Variants in PAM observed in about 807,000 individuals in gnomAD.
PAM encodes the protein peptidyl-glycine alpha-amidating monooxygenase.
A neutral mutation model predicts 122.1 loss-of-function variants in PAM; 72 were observed. The ratio of observed to expected loss-of-function variants is 0.59; its 90% CI spans 0.49 to 0.72. PAM has a LOEUF of 0.72. PAM is among the 30% of genes least tolerant of loss of function. The pLI is 0.00. For missense variants in PAM, 1,106 were observed against 1,183.7 expected (o/e 0.93, Z 0.96); for synonymous variants, 389 against 404.4 (o/e 0.96, Z 0.46).
At chr5:102,952,568 A>G (rs1018661210) in intron 12 of PAM, among the ~76,000 whole-genome samples, 5 of 152,032 alleles carry the variant, frequency 3.3e-5, no homozygotes, top group African/African-American at 1.2e-4. Context: ...TACAGAGGCA[A>G]TTTTTTTACC....
chr5:102,954,173 G>C (rs1182016928), intron 12 of PAM, among the ~76,000 whole-genome samples: 3 of 151,920 alleles, frequency 2.0e-5, no homozygotes, highest in African/African-American at 7.2e-5. Context: ...TATTTCAATA[G>C]TTTTTGGGGA....
rs1252787041 is a variant in PAM, at chr5:102,758,094, T to G, written c.-374+2746T>G. On this transcript the variant is annotated intron_variant, in intron 1 of 25. Coordinates refer to ENST00000438793, the MANE Select transcript of PAM (RefSeq NM_001177306.2). ...TTTTGTTTTTTTTTTTTTTTTTTTTTTTTTTTTTTTTTTTCTTGGGGCAAA... is the reference window on the plus strand; with the variant it reads ...TTTTGTTTTTTTTTTTTTTTTTTTTGTTTTTTTTTTTTTTCTTGGGGCAAA... 2.1e-3 allele frequency among the ~76,000 whole-genome samples: 200 copies of G among 95,238 alleles called. 6 individuals carry two copies. The highest frequency in any genetic ancestry group is 7.5e-3 in the African/African-American group (188 of 25,106). The allele number at this position is 95,238 out of a possible 152,430, so 62.5% of individuals were successfully genotyped here.
Position 102,889,908 on chromosome 5 carries a change from T to TAATGG in PAM, c.211-11447_211-11443dup, listed in dbSNP as rs575512014. ...CAAGGCTTAACACTTCACCATTTCC[T>TAATGG]AATGGCAGACTTTGTCTCATCCATT... is the stretch of plus-strand genomic sequence containing the variant. On this transcript the variant is annotated intron_variant, in intron 3 of 25. Coordinates refer to ENST00000438793, the MANE Select transcript of PAM (RefSeq NM_001177306.2). Among the ~76,000 whole-genome samples the TAATGG allele has an allele frequency of 1.9e-3, 285 of 152,090 alleles. 1 individual carries two copies. The highest frequency in any genetic ancestry group is 6.7e-3 in the African/African-American group (278 of 41,536).
chr5:102,828,702 A>C (rs1774406296), intron 1 of PAM, among the ~76,000 whole-genome samples: 1 of 152,204 alleles, frequency 6.6e-6, no homozygotes, highest in Non-Finnish European at 1.5e-5. Flanking sequence ...GGTTCATGGC[A>C]GATAGAAATG....
intron 1 of PAM, among the ~76,000 whole-genome samples, chr5:102,831,500 C>A (rs781090800): frequency 6.6e-6 from 1 of 150,390 alleles, no homozygotes; most frequent in Non-Finnish European, 1.5e-5. Context: ...TAGATTAAAT[C>A]TTTGAGGAAT....
intron 22 of PAM, 29 bp from the exon 23 acceptor site, chr5:103,019,760 CT>C: frequency 1.3e-6 from 2 of 1,501,252 alleles, no homozygotes; most frequent in Non-Finnish European, 1.9e-6. Flanking sequence ...GAGATTCTGA[CT>C]TTTCTCTCTC....
chr5:102,961,058 C>T (rs1582212838), intron 13 of PAM, 100 bp from the exon 14 acceptor site: 3 of 651,302 alleles, frequency 4.6e-6, no homozygotes, highest in Non-Finnish European at 8.5e-6. Flanking sequence ...GCACAAGACC[C>T]TGAATAGTAT....
intron 1 of PAM, among the ~76,000 whole-genome samples, chr5:102,769,877 A>T (rs112836974): frequency 0.019 from 2,941 of 151,988 alleles, 86 homozygotes; most frequent in African/African-American, 0.068. Flanking sequence ...TTTTTTTCTC[A>T]CTTCTATGGA....
intron 1 of PAM, among the ~76,000 whole-genome samples, chr5:102,802,849 A>T (rs113095688): frequency 2.6e-5 from 4 of 152,188 alleles, no homozygotes; most frequent in African/African-American, 9.7e-5. Context: ...CTTCATAACT[A>T]CATATGAGGT....
intron 16 of PAM, among the ~76,000 whole-genome samples, chr5:102,998,655 CA>C (rs949183269): frequency 1.3e-5 from 2 of 151,900 alleles, no homozygotes; most frequent in African/African-American, 4.8e-5. Context: ...TATAGTTTTG[CA>C]AAATGGAGAA....
chr5:102,777,723 C>T (rs940018930), intron 1 of PAM, among the ~76,000 whole-genome samples: 19 of 151,966 alleles, frequency 1.3e-4, no homozygotes, highest in East Asian at 1.9e-4. Context: ...CATTCATTCC[C>T]GGGCCTGTTT....
chr5:102,791,618 A>T (rs897249644), intron 1 of PAM, among the ~76,000 whole-genome samples: 4 of 152,060 alleles, frequency 2.6e-5, no homozygotes, highest in Non-Finnish European at 5.9e-5. Flanking sequence ...TCTGTTTTCA[A>T]CATTTTGCCA....
chr5:103,009,836 A>G lies in PAM; in HGVS notation c.2301A>G (p.Glu767=). The G allele has an allele frequency of 1.2e-6, 2 of 1,608,742 alleles. No individual in the cohort carries two copies. Among genetic ancestry groups the G allele is most frequent in the African/African-American group, 1.3e-5 (1 of 74,890 alleles). Residue 767 remains glutamate (E), a synonymous_variant, in exon 21 of 26, where the codon GAA becomes GAG. Transcript: ENST00000438793. Reference sequence around the variant, plus strand: ...TTGTGATGAACTTTTCCAATGGGGAAATTATAGACATCTTCAAGCCAGTGC... The same window carrying G: ...TTGTGATGAACTTTTCCAATGGGGAGATTATAGACATCTTCAAGCCAGTGC... The part of the protein sequence containing the change: ...QGFVMNFSNG[E]IIDIFKPVRK...
chr5:102,972,881 T>C (rs367920061), intron 14 of PAM, among the ~76,000 whole-genome samples: 11 of 152,332 alleles, frequency 7.2e-5, no homozygotes, highest in African/African-American at 2.6e-4. Context: ...CTGGCAAGAA[T>C]TGAAAACCTA....
rs539794524 is a variant in PAM at position 102,852,487 on chromosome 5, C to T, written c.-373-13336C>T. 4.3e-4 allele frequency among the ~76,000 whole-genome samples: 65 copies of T among 151,650 alleles called. No individual in the cohort carries two copies. In the South Asian group the frequency reaches 0.013, roughly 30 times the overall value. ...AAAACATAACCTTTCAAAAGGGTAA[C>T]GGTTTCTGGTTGGGATTATTAGAAG... On this transcript the variant is annotated intron_variant, in intron 1 of 25. Coordinates refer to ENST00000438793, the MANE Select transcript of PAM (RefSeq NM_001177306.2).
At chr5:102,881,828 T>C (rs1791214885) in intron 3 of PAM, among the ~76,000 whole-genome samples, 1 of 151,166 alleles carries the variant, frequency 6.6e-6, no homozygotes, top group Non-Finnish European at 1.5e-5. Context: ...GTGTAGTCTT[T>C]TATCCCTCAT....
At chr5:102,974,611 T>C (rs1766998683) in intron 15 of PAM, 175 bp downstream of exon 15, 1 of 516,578 alleles carries the variant, frequency 1.9e-6, no homozygotes, top group Non-Finnish European at 3.4e-6. Flanking sequence ...AGATTTTTTT[T>C]TGTTTTGGTT....
chr5:102,849,299 G>A (rs972671292), intron 1 of PAM, among the ~76,000 whole-genome samples: 1 of 152,180 alleles, frequency 6.6e-6, no homozygotes, highest in Non-Finnish European at 1.5e-5. Flanking sequence ...CCTCACGCCT[G>A]TAATCCCAGC....
intron 1 of PAM, among the ~76,000 whole-genome samples, chr5:102,824,272 C>T (rs894535898): frequency 1.3e-5 from 2 of 152,236 alleles, no homozygotes; most frequent in Non-Finnish European, 2.9e-5. Context: ...AATTCCGTGG[C>T]GAGGAGGGTT....
Sources: allele counts gnomAD v4.1 joint callset (sites outside exome capture counted in the v4.1 genomes callset), GRCh38; gene constraint gnomAD v4.1.1; transcripts MANE v1.5; gene names NCBI Gene and HGNC (gene_info 2026-07-23, HGNC 2026-07-21).